COL11A1: variants seen among roughly 807,000 people sequenced by gnomAD.
COL11A1 encodes collagen type XI alpha 1 chain.
COL11A1 carries 74 observed loss-of-function variants against 265.2 expected under a neutral mutation model. The ratio of observed to expected loss-of-function variants is 0.28; its 90% CI spans 0.23 to 0.34. COL11A1 has a LOEUF of 0.34. Among genes scored for constraint, COL11A1 ranks in the 10% least tolerant of loss-of-function variants. The pLI is 1.00. For synonymous variants in COL11A1, 816 were observed against 727.6 expected, an observed-to-expected ratio of 1.12 and a Z score of -1.96; for missense variants, 2,165 against 2,263.6, an observed-to-expected ratio of 0.96 and a Z score of 0.88.
chr1:103,023,051 C>A, intron 7 of COL11A1, 55 bp from the exon 8 acceptor site: 1 of 1,561,556 alleles, frequency 6.4e-7, no homozygotes, highest in South Asian at 1.1e-5. Context: ...GTTAGTAAAG[C>A]AAGGTAAGCA....
intron 1 of COL11A1, among the ~76,000 whole-genome samples, chr1:103,096,903 A>C (rs1410922317): frequency 6.6e-6 from 1 of 152,060 alleles, no homozygotes; most frequent in Admixed American, 6.6e-5. Context: ...TTTTTGTCTT[A>C]TAGCAGATTT....
chr1:102,922,553 T>C (rs1320853684), intron 47 of COL11A1, among the ~76,000 whole-genome samples: 4 of 152,126 alleles, frequency 2.6e-5, no homozygotes, highest in Admixed American at 6.6e-5. Context: ...CACGCCACCA[T>C]GCCCGGCTAA....
rs1223952799 is a variant in COL11A1 at position 102,931,222 on chromosome 1, G to A, written c.3600+3227C>T. ...TTGGATCTTTCCTGCTTTCTCTTGT[G>A]GGCATTTAGTGCTATAAATTTCCCT... On this transcript the variant is annotated intron_variant, in intron 46 of 66. Coordinates refer to ENST00000370096, the MANE Select transcript of COL11A1 (RefSeq NM_001854.4). Among the ~76,000 whole-genome samples the A allele has an allele frequency of 1.3e-5, 2 of 149,742 alleles. 1 individual carries two copies. Among genetic ancestry groups the A allele is most frequent in the Non-Finnish European group, 3.0e-5 (2 of 67,582 alleles).
At chr1:102,960,564 A>C (rs1660803774) in intron 41 of COL11A1, among the ~76,000 whole-genome samples, 1 of 152,118 alleles carries the variant, frequency 6.6e-6, no homozygotes, top group Non-Finnish European at 1.5e-5. Context: ...TTAACATTTA[A>C]GAGTTATCTT....
At position 103,005,857 on chromosome 1, in the gene COL11A1, G is replaced by A. The variant is rs569828207; in HGVS notation, c.1826C>T (p.Pro609Leu). 1.2e-6 allele frequency: 2 copies of A among 1,613,836 alleles called. No homozygotes were observed. The highest frequency in any genetic ancestry group is 2.7e-5 in the African/African-American group (2 of 74,924). The part of the protein sequence containing the change: ...DRGFDGLPGL[P>L]GDKGHRGERG... ...TCTTACCCTGTGACCTTTGTCACCT[G>A]GCAGACCCGGAAGTCCATCAAACCC... The change falls in exon 18 of 67, where the codon CCA (proline) becomes CTA (leucine). Residue 609 changes from proline (P) to leucine (L), a missense_variant. Transcript: ENST00000370096.
intron 54 of COL11A1, among the ~76,000 whole-genome samples, chr1:102,902,713 G>T (rs1265085468): frequency 6.6e-6 from 1 of 151,428 alleles, no homozygotes; most frequent in Non-Finnish European, 1.5e-5. Flanking sequence ...TTATTACAAT[G>T]TACTTTCTAT....
At chr1:102,882,449 G>A (rs1650381582) in intron 64 of COL11A1, among the ~76,000 whole-genome samples, 1 of 152,106 alleles carries the variant, frequency 6.6e-6, no homozygotes, top group South Asian at 2.1e-4. Context: ...GATGGAAGTT[G>A]TTTTTTCTCC....
At chr1:103,072,429 T>C (rs1295565925) in intron 4 of COL11A1, among the ~76,000 whole-genome samples, 1 of 151,908 alleles carries the variant, frequency 6.6e-6, no homozygotes, top group Non-Finnish European at 1.5e-5. Flanking sequence ...TATTATCATA[T>C]TATCTTCATC....
Position 103,025,510 on chromosome 1 carries a change from ATACGTATTACC to A in COL11A1, c.990_990+10del. On this transcript the variant is annotated splice_donor_variant and splice_donor_5th_base_variant and coding_sequence_variant and intron_variant, in exon 7 of 67. Coordinates refer to ENST00000370096, the MANE Select transcript of COL11A1 (RefSeq NM_001854.4). LOFTEE classifies it high-confidence loss of function. The stretch of plus-strand genomic sequence containing the variant: ...GTGGGACTGTGATTTAATACTGTCT[ATACGTATTACC>A]TCATTTGTCCCAGAAACATGCCTAG... 1 of 1,562,326 alleles carries A rather than the reference ATACGTATTACC, an allele frequency of 6.4e-7. No individual in the cohort carries two copies. The highest frequency in any genetic ancestry group is 8.8e-7 in the Non-Finnish European group (1 of 1,133,354).
In COL11A1 at chr1:103,002,469, C is replaced by G. The variant is rs1451066918; in HGVS notation, c.2056G>C (p.Glu686Gln). 1.2e-6 allele frequency: 2 copies of G among 1,609,742 alleles called. No homozygotes were observed. Among genetic ancestry groups the G allele is most frequent in the Non-Finnish European group, 1.7e-6 (2 of 1,178,136 alleles). The change falls in exon 23 of 67, where the codon GAG (glutamate) becomes CAG (glutamine). Residue 686 changes from glutamate (E) to glutamine (Q), a missense_variant. Physicochemically the swap from Glu to Gln is conservative, Grantham distance 29 (BLOSUM62 2). Transcript: ENST00000370096. ...CCTTGTTGACCTGGAGGCCCAGGCT[C>G]CCCTTGGGGACCCTGCCAGAGGAAA... ...GPKGNMGPQG[E>Q]PGPPGQQGNP...
At chr1:103,015,766 AAAAT>A (rs1666513340) in intron 11 of COL11A1, 24 bp from the exon 12 acceptor site, 1 of 1,416,880 alleles carries the variant, frequency 7.1e-7, no homozygotes, top group Non-Finnish European at 9.8e-7. Context: ...TGAAATAACC[AAAAT>A]AAATAAATAT....
At chr1:103,015,019 A>T (rs535634939) in intron 12 of COL11A1, among the ~76,000 whole-genome samples, 12 of 152,052 alleles carry the variant, frequency 7.9e-5, no homozygotes, top group Non-Finnish European at 1.6e-4. Flanking sequence ...ATACACAGGA[A>T]ATTTTCCTTG....
In COL11A1 at chr1:102,961,634, A is replaced by G. The variant is rs887333487; in HGVS notation, c.3168+232T>C. 16 of 472,584 alleles carry G rather than the reference A, an allele frequency of 3.4e-5. No individual in the cohort carries two copies. The Admixed American group carries it at 5.0e-4, about 15-fold the overall frequency. The allele number at this position is 472,584 out of a possible 1,614,324, so 29.3% of individuals were successfully genotyped here. On this transcript the variant is annotated intron_variant, in intron 41 of 66. Coordinates refer to ENST00000370096, the MANE Select transcript of COL11A1 (RefSeq NM_001854.4). ...CCTTGGGAACCGTAAGAAGCAAGAT[A>G]TCTCCTTTTACCTCCTGACAGCAGC...
At chr1:102,948,430 C>T (rs1275565539) in intron 41 of COL11A1, among the ~76,000 whole-genome samples, 1 of 151,912 alleles carries the variant, frequency 6.6e-6, no homozygotes, top group Non-Finnish European at 1.5e-5. Flanking sequence ...CTAATGAGGA[C>T]ATCAATGTTT....
intron 41 of COL11A1, among the ~76,000 whole-genome samples, chr1:102,955,907 G>A (rs1054341762): frequency 6.6e-6 from 1 of 152,114 alleles, no homozygotes; most frequent in African/African-American, 2.4e-5. Context: ...TACATCCCCT[G>A]AGATCAGAAG....
chr1:102,914,524 C>A, intron 51 of COL11A1, 119 bp from the exon 52 acceptor site: 1 of 1,096,346 alleles, frequency 9.1e-7, no homozygotes, highest in South Asian at 1.5e-5. Context: ...TATTTCTCTT[C>A]TCCCGCCAAA....
At chr1:102,886,261 T>C (rs1650958751) in intron 63 of COL11A1, among the ~76,000 whole-genome samples, 1 of 152,160 alleles carries the variant, frequency 6.6e-6, no homozygotes. Context: ...TTGTTATTAG[T>C]AAGTAAGCTA....
chr1:102,887,813 C>T (rs1264927457), intron 62 of COL11A1, among the ~76,000 whole-genome samples: 1 of 151,992 alleles, frequency 6.6e-6, no homozygotes, highest in African/African-American at 2.4e-5. Context: ...GAAATTTAAA[C>T]ACAGATACAC....
chr1:102,995,084 G>A (rs1664495416), intron 28 of COL11A1, among the ~76,000 whole-genome samples: 1 of 152,092 alleles, frequency 6.6e-6, no homozygotes, highest in Admixed American at 6.5e-5. Flanking sequence ...TCCCTGGACA[G>A]GTGGGAATTA....
Sources: allele counts gnomAD v4.1 joint callset (sites outside exome capture counted in the v4.1 genomes callset), GRCh38; gene constraint gnomAD v4.1.1; transcripts MANE v1.5; gene names NCBI Gene and HGNC (gene_info 2026-07-23, HGNC 2026-07-21).